CADM2: variants seen among roughly 807,000 people sequenced by gnomAD.
The protein encoded by CADM2 is immunoglobulin superfamily member 4D.
Under a neutral mutation model 49.8 loss-of-function variants are expected in CADM2, and 12 were observed. The ratio of observed to expected loss-of-function variants is 0.24; its 90% CI spans 0.15 to 0.39. CADM2 has a LOEUF of 0.39. Ranked by LOEUF, CADM2 falls within the 10% of genes least tolerant of loss-of-function variation. The probability of loss-of-function intolerance (pLI) is 1.00; values close to 1 mark genes in which losing one functional copy is unlikely to be tolerated. For synonymous variants in CADM2, 214 were observed against 175.4 expected, an observed-to-expected ratio of 1.22 and a Z score of -1.74; for missense variants, 378 against 492.3, an observed-to-expected ratio of 0.77 and a Z score of 2.20.
At chr3:85,334,857 G>T (rs1156953898) in intron 1 of CADM2, among the ~76,000 whole-genome samples, 1 of 151,212 alleles carries the variant, frequency 6.6e-6, no homozygotes, top group Non-Finnish European at 1.5e-5. Flanking sequence ...TCATTATGTA[G>T]TTTTTATATT....
intron 1 of CADM2, among the ~76,000 whole-genome samples, chr3:85,193,271 T>A: frequency 6.6e-6 from 1 of 152,064 alleles, no homozygotes; most frequent in East Asian, 1.9e-4. Context: ...TGATAGATCA[T>A]TTTCTCTGGT....
chr3:85,349,173 A>G (rs761823769), intron 1 of CADM2, among the ~76,000 whole-genome samples: 1 of 152,210 alleles, frequency 6.6e-6, no homozygotes, highest in East Asian at 1.9e-4. Context: ...AATTGCTCTC[A>G]TAAGAGTCCA....
Position 86,066,966 on chromosome 3 carries a change from C to T in CADM2, c.*183C>T, listed in dbSNP as rs1739406072. The T allele has an allele frequency of 2.0e-5, 12 of 592,842 alleles. No homozygotes were observed. Among genetic ancestry groups the T allele is most frequent in the Non-Finnish European group, 3.6e-5 (12 of 331,562 alleles). 36.7% of individuals were successfully genotyped at this position (592,842 alleles called of 1,614,324 possible). ...AAAGCATCATTCTTTAATTACTGTA[C>T]CATCCATAATGCAGGACATTTCTTA... On this transcript the variant is annotated 3_prime_UTR_variant, in exon 10 of 10. Transcript: ENST00000383699.
At chr3:85,829,303 T>C (rs1326560291) in intron 3 of CADM2, among the ~76,000 whole-genome samples, 2 of 151,900 alleles carry the variant, frequency 1.3e-5, no homozygotes, top group Non-Finnish European at 2.9e-5. Context: ...TTATTTTTAA[T>C]TGACACATAA....
chr3:85,330,680 G>A (rs1219071092), intron 1 of CADM2, among the ~76,000 whole-genome samples: 1 of 151,978 alleles, frequency 6.6e-6, no homozygotes. Flanking sequence ...GTTTAGGCCA[G>A]GGGCAGTGGC....
In CADM2 at chr3:85,412,534, G is replaced by T. The variant is rs57881890; in HGVS notation, c.62-313988G>T. ...AGGTATCCTAGGTCCTATGTAATTCGTTTTTTTTTTTTTCTGTATCATGCT... is the reference window on the plus strand; with the variant it reads ...AGGTATCCTAGGTCCTATGTAATTCTTTTTTTTTTTTTTCTGTATCATGCT... On this transcript the variant is annotated intron_variant, in intron 1 of 9. Coordinates refer to ENST00000383699, the MANE Select transcript of CADM2 (RefSeq NM_001167675.2). 8.5e-3 allele frequency among the ~76,000 whole-genome samples: 1,235 copies of T among 145,548 alleles called. 20 individuals carry two copies. Among genetic ancestry groups the T allele is most frequent in the African/African-American group, 0.029 (1,172 of 39,906 alleles).
At chr3:85,798,838 T>A (rs538096319) in intron 2 of CADM2, among the ~76,000 whole-genome samples, 1 of 152,296 alleles carries the variant, frequency 6.6e-6, no homozygotes, top group South Asian at 2.1e-4. Context: ...GGGGATGGCA[T>A]TGAATCTATA....
At chr3:85,916,790 A>G (rs1718394228) in intron 6 of CADM2, among the ~76,000 whole-genome samples, 1 of 152,124 alleles carries the variant, frequency 6.6e-6, no homozygotes, top group Admixed American at 6.5e-5. Context: ...TCCCACCAAC[A>G]GTGTAAAAGT....
At chr3:85,311,478 CCAT>C (rs1306127749) in intron 1 of CADM2, among the ~76,000 whole-genome samples, 1 of 151,822 alleles carries the variant, frequency 6.6e-6, no homozygotes, top group Non-Finnish European at 1.5e-5. Flanking sequence ...CGGGTTCATG[CCAT>C]TCTCTTGCCC....
At chr3:85,236,433 G>A (rs910469752) in intron 1 of CADM2, among the ~76,000 whole-genome samples, 2 of 151,688 alleles carry the variant, frequency 1.3e-5, no homozygotes, top group Non-Finnish European at 2.9e-5. Context: ...GAGTTAATTT[G>A]GTGTCAAAGT....
intron 3 of CADM2, among the ~76,000 whole-genome samples, chr3:85,834,077 T>G (rs77119410): frequency 0.1 from 15,455 of 151,618 alleles, 904 homozygotes; most frequent in South Asian, 0.12. Flanking sequence ...CTATCAAATC[T>G]CTAATCTATT....
At chr3:85,883,919 C>T (rs1397446341) in intron 4 of CADM2, among the ~76,000 whole-genome samples, 1 of 152,130 alleles carries the variant, frequency 6.6e-6, no homozygotes, top group Non-Finnish European at 1.5e-5. Context: ...GTATTTAGTG[C>T]ATTTAAATGA....
intron 1 of CADM2, among the ~76,000 whole-genome samples, chr3:85,197,936 C>G (rs1367771176): frequency 6.6e-6 from 1 of 151,816 alleles, no homozygotes; most frequent in Non-Finnish European, 1.5e-5. Flanking sequence ...GTCTTCAAGT[C>G]AGGTTGTTTT....
intron 1 of CADM2, among the ~76,000 whole-genome samples, chr3:85,040,284 G>C (rs2035384349): frequency 6.6e-6 from 1 of 152,128 alleles, no homozygotes; most frequent in African/African-American, 2.4e-5. Flanking sequence ...CTCATAAGCT[G>C]ATCAGAGAAT....
chr3:84,985,158 T>C (rs996046828), intron 1 of CADM2, among the ~76,000 whole-genome samples: 2 of 152,138 alleles, frequency 1.3e-5, no homozygotes, highest in African/African-American at 4.8e-5. Flanking sequence ...GAAGCCCAAG[T>C]TGTGAATTTT....
intron 2 of CADM2, among the ~76,000 whole-genome samples, chr3:85,784,691 A>C (rs1315802543): frequency 1.3e-5 from 2 of 152,056 alleles, no homozygotes; most frequent in African/African-American, 4.8e-5. Flanking sequence ...TTTAGTTCTA[A>C]TCCGATATGG....
chr3:85,679,964 T>C (rs1201228943), intron 1 of CADM2, among the ~76,000 whole-genome samples: 1 of 152,044 alleles, frequency 6.6e-6, no homozygotes, highest in African/African-American at 2.4e-5. Context: ...ATTATCACAA[T>C]CCATTTAATA....
At chr3:85,530,911 CACAA>C (rs1240170230) in intron 1 of CADM2, among the ~76,000 whole-genome samples, 1,640 of 124,296 alleles carry the variant, frequency 0.013, 68 homozygotes, top group South Asian at 0.079. Context: ...CACACACACA[CACAA>C]AATTCATTAT....
chr3:85,905,984 C>T (rs758127118), intron 5 of CADM2, among the ~76,000 whole-genome samples: 7 of 152,236 alleles, frequency 4.6e-5, no homozygotes, highest in East Asian at 1.9e-4. Context: ...CTGAGTGCTG[C>T]AGGACTCCAT....
Sources: allele counts gnomAD v4.1 joint callset (sites outside exome capture counted in the v4.1 genomes callset), GRCh38; gene constraint gnomAD v4.1.1; transcripts MANE v1.5; gene names NCBI Gene and HGNC (gene_info 2026-07-23, HGNC 2026-07-21).